RGS5: variants seen among roughly 807,000 people sequenced by gnomAD.
The protein encoded by RGS5 is regulator of G protein signaling 5.
RGS5 carries 20 observed loss-of-function variants against 18.9 expected under a neutral mutation model. The observed-to-expected ratio is 1.06, with a 90% CI of 0.74 to 1.54. The LOEUF is 1.54. Ranked by LOEUF, RGS5 falls within the 40% of genes most tolerant of loss-of-function variation. The pLI is 0.00. For missense variants in RGS5, 201 were observed against 211.8 expected (o/e 0.95, Z 0.32); for synonymous variants, 57 against 76.2 (o/e 0.75, Z 1.31).
At chr1:163,166,444 A>T (rs896435859) in intron 2 of RGS5, among the ~76,000 whole-genome samples, 2 of 152,226 alleles carry the variant, frequency 1.3e-5, no homozygotes. Context: ...AAAGAAGAAC[A>T]TGAGTTAAAA....
At chr1:163,320,913 T>C (rs1650182344) in intron 1 of RGS5, among the ~76,000 whole-genome samples, 1 of 152,180 alleles carries the variant, frequency 6.6e-6, no homozygotes, top group African/African-American at 2.4e-5. Context: ...CAGTTCAGGT[T>C]CCCCATCCAA....
chr1:163,257,025 A>G (rs542797616), intron 2 of RGS5, among the ~76,000 whole-genome samples: 2 of 152,280 alleles, frequency 1.3e-5, no homozygotes, highest in East Asian at 3.9e-4. Context: ...CCATTTACTC[A>G]GCACATATAT....
intron 1 of RGS5, among the ~76,000 whole-genome samples, chr1:163,171,515 A>C (rs1488568698): frequency 6.6e-6 from 1 of 152,178 alleles, no homozygotes; most frequent in African/African-American, 2.4e-5. Context: ...TCTCATGTTT[A>C]GGTTTCTGTT....
At chr1:163,262,502 G>A (rs1341874577) in intron 2 of RGS5, among the ~76,000 whole-genome samples, 28 of 65,326 alleles carry the variant, frequency 4.3e-4, no homozygotes, top group Non-Finnish European at 7.5e-4. Flanking sequence ...ATTTTTTATG[G>A]CTGCATAGTA....
At chr1:163,309,817 T>C (rs556052146) in intron 1 of RGS5, among the ~76,000 whole-genome samples, 1 of 152,344 alleles carries the variant, frequency 6.6e-6, no homozygotes, top group South Asian at 2.1e-4. Flanking sequence ...ATAAGAGGAA[T>C]CACTGAAGCA....
chr1:163,313,997 ATATGTGTGTG>A (rs68088123), intron 1 of RGS5, among the ~76,000 whole-genome samples: 6,357 of 149,534 alleles, frequency 0.043, 348 homozygotes, highest in African/African-American at 0.12. Flanking sequence ...AATAAGATAT[ATATGTGTGTG>A]TGTGTGTGTG....
chr1:163,306,842 A>T (rs1157515651), intron 1 of RGS5, among the ~76,000 whole-genome samples: 1 of 152,210 alleles, frequency 6.6e-6, no homozygotes, highest in Non-Finnish European at 1.5e-5. Context: ...ACCAGAAGCC[A>T]GGGAGAGGCA....
At chr1:163,209,829 C>G (rs1481036467) in intron 1 of RGS5, among the ~76,000 whole-genome samples, 1 of 152,016 alleles carries the variant, frequency 6.6e-6, no homozygotes, top group Non-Finnish European at 1.5e-5. Flanking sequence ...TTTTATGCCT[C>G]TAAGTGATTT....
In RGS5 at chr1:163,162,613, G is replaced by C. The variant is rs114041116; in HGVS notation, c.156-637C>G. On this transcript the variant is annotated intron_variant, in intron 2 of 4. Transcript: ENST00000313961. Reference sequence around the variant, plus strand: ...TCTTTCTAATTTAAAAAAAAAAAGAGTGGTTAATATATCCTGAACAGGAAT... The same window carrying C: ...TCTTTCTAATTTAAAAAAAAAAAGACTGGTTAATATATCCTGAACAGGAAT... 6.5e-3 allele frequency among the ~76,000 whole-genome samples: 987 copies of C among 150,802 alleles called. 13 individuals are homozygous for C. Among genetic ancestry groups the C allele is most frequent in the African/African-American group, 0.023 (943 of 41,442 alleles).
chr1:163,297,536 C>CCT (rs991536798), intron 2 of RGS5, among the ~76,000 whole-genome samples: 1 of 152,138 alleles, frequency 6.6e-6, no homozygotes, highest in African/African-American at 2.4e-5. Flanking sequence ...CTAGCCATCT[C>CCT]CTCTTAGCTG....
intron 1 of RGS5, chr1:163,172,694 AAG>A: frequency 2.3e-6 from 3 of 1,284,506 alleles, no homozygotes; most frequent in Non-Finnish European, 3.2e-6. Context: ...GAGCATTATA[AAG>A]TTAAGAGTAT....
chr1:163,241,951 A>C (rs1364513734), intron 2 of RGS5, among the ~76,000 whole-genome samples: 1 of 152,184 alleles, frequency 6.6e-6, no homozygotes, highest in Non-Finnish European at 1.5e-5. Flanking sequence ...TTCTATGCTC[A>C]AGATTGAACT....
chr1:163,218,488 C>T (rs1660265913), upstream of RGS5, among the ~76,000 whole-genome samples: 1 of 151,910 alleles, frequency 6.6e-6, no homozygotes, highest in Non-Finnish European at 1.5e-5. Flanking sequence ...ACATGAATTA[C>T]AGACACCTAT....
Position 163,147,396 on chromosome 1 carries a change from C to G in RGS5, c.492G>C (p.Lys164Asn). ...AGCGCACAAAGCGAGGCAGAGAATC[C>G]TTTTCCATCAGGGCATGGATTCTTT... is the stretch of plus-strand genomic sequence containing the variant. ...AQKRIHALME[K>N]DSLPRFVRSE... The change falls in exon 5 of 5, where the codon AAG (lysine) becomes AAC (asparagine). Residue 164 changes from lysine to asparagine, a missense_variant. Coordinates refer to ENST00000313961, the MANE Select transcript of RGS5 (RefSeq NM_003617.4). 1 of 1,612,536 alleles carries G rather than the reference C, an allele frequency of 6.2e-7. No homozygotes were observed. Among genetic ancestry groups the G allele is most frequent in the Non-Finnish European group, 8.5e-7 (1 of 1,179,264 alleles).
chr1:163,282,290 T>C (rs1454307627), intron 2 of RGS5, among the ~76,000 whole-genome samples: 1 of 152,130 alleles, frequency 6.6e-6, no homozygotes. Flanking sequence ...TGAATAAACA[T>C]TTCTCAAAGG....
intron 2 of RGS5, among the ~76,000 whole-genome samples, chr1:163,298,845 A>G (rs1454578606): frequency 6.6e-6 from 1 of 152,146 alleles, no homozygotes; most frequent in Admixed American, 6.5e-5. Context: ...TAGCATACCA[A>G]AATGCTACAT....
intron 2 of RGS5, among the ~76,000 whole-genome samples, chr1:163,234,806 G>T (rs1410991380): frequency 3.3e-5 from 5 of 152,162 alleles, no homozygotes; most frequent in Non-Finnish European, 5.9e-5. Context: ...CACCTGGAGG[G>T]CTGGCTGAGC....
At chr1:163,276,077 C>T (rs866031739) in intron 2 of RGS5, among the ~76,000 whole-genome samples, 8 of 152,242 alleles carry the variant, frequency 5.3e-5, no homozygotes, top group South Asian at 2.1e-4. Flanking sequence ...TCACTGCAAC[C>T]TTCACCTTCC....
chr1:163,307,851 G>C (rs1649746879), intron 1 of RGS5, among the ~76,000 whole-genome samples: 1 of 152,132 alleles, frequency 6.6e-6, no homozygotes, highest in African/African-American at 2.4e-5. Context: ...AGCCTTATTA[G>C]TAACCATATT....
Sources: allele counts gnomAD v4.1 joint callset (sites outside exome capture counted in the v4.1 genomes callset), GRCh38; gene constraint gnomAD v4.1.1; transcripts MANE v1.5; gene names NCBI Gene and HGNC (gene_info 2026-07-23, HGNC 2026-07-21).